KCNQ1OT1: variants seen among roughly 807,000 people sequenced by gnomAD.
The protein encoded by KCNQ1OT1 is KCNQ1 antisense RNA 2 (non-protein coding).
At chr11:2,689,135 C>T in exon 1 of KCNQ1OT1, 1 of 398,730 alleles carries the variant, frequency 2.5e-6, no homozygotes, top group African/African-American at 2.1e-5. Flanking sequence ...AAGCCTGAGA[C>T]CCTAAGGAGA....
In KCNQ1OT1 at chr11:2,657,429, TTAGA is replaced by T. The variant is rs1330926850; in HGVS notation, n.42562_42565del. 3 of 398,446 alleles carry T rather than the reference TTAGA, an allele frequency of 7.5e-6. No homozygotes were observed. Among genetic ancestry groups the T allele is most frequent in the African/African-American group, 4.1e-5 (2 of 48,634 alleles). The allele number at this position is 398,446 out of a possible 1,614,324, so 24.7% of individuals were successfully genotyped here. On this transcript the variant is annotated non_coding_transcript_exon_variant, in exon 1 of 1. Transcript: ENST00000597346. The surrounding 1 kb of genome is among the most constrained non-coding windows in gnomAD (Gnocchi z 4.8). ...CTCCAGAGTTCTTGCATATACTTAG[TTAGA>T]TAATTAATATTCTTTTGTGCTATTG...
exon 1 of KCNQ1OT1, chr11:2,694,278 A>T: frequency 2.5e-6 from 1 of 398,668 alleles, no homozygotes; most frequent in Non-Finnish European, 4.4e-6. Flanking sequence ...CACAGCAGAG[A>T]CACCATCCCA....
Position 2,678,693 on chromosome 11 carries a change from C to A in KCNQ1OT1, n.21302G>T, listed in dbSNP as rs972101493. 5.0e-6 allele frequency: 2 copies of A among 398,498 alleles called. No individual in the cohort carries two copies. The highest frequency in any genetic ancestry group is 4.1e-5 in the African/African-American group (2 of 48,632). The allele number at this position is 398,498 out of a possible 1,614,324, so 24.7% of individuals were successfully genotyped here. A position where few individuals can be genotyped will look rare whatever the true frequency, so the allele number is the denominator to read the frequency against. On this transcript the variant is annotated non_coding_transcript_exon_variant, in exon 1 of 1. Coordinates refer to ENST00000597346, the Ensembl canonical transcript of KCNQ1OT1. The surrounding 1 kb of genome is among the most constrained non-coding windows in gnomAD (Gnocchi z 4.9). ...GGGAATTCATGGCATGGCCTAAGAT[C>A]TAAACACTCTTAAGATTTAAACACA...
chr11:2,698,431 T>C lies in KCNQ1OT1; in HGVS notation n.1564A>G. The C allele has an allele frequency of 2.7e-6, 1 of 375,892 alleles. No homozygotes were observed. The allele number at this position is 375,892 out of a possible 1,614,324, so 23.3% of individuals were successfully genotyped here. A position where few individuals can be genotyped will look rare whatever the true frequency, so the allele number is the denominator to read the frequency against. Reference sequence around the variant, plus strand: ...CATAGTGGTGGCCCTTCAAGCCTACTACCCAGACTGAGACCTGCATCTGAT... The same window carrying C: ...CATAGTGGTGGCCCTTCAAGCCTACCACCCAGACTGAGACCTGCATCTGAT... On this transcript the variant is annotated non_coding_transcript_exon_variant, in exon 1 of 1. Transcript: ENST00000597346. This position sits in a 1 kb window ranked among gnomAD's most constrained non-coding sequence, Gnocchi z 5.1.
Position 2,654,434 on chromosome 11 carries a change from G to A in KCNQ1OT1, n.45561C>T, listed in dbSNP as rs896333474. On this transcript the variant is annotated non_coding_transcript_exon_variant, in exon 1 of 1. Coordinates refer to ENST00000597346, the Ensembl canonical transcript of KCNQ1OT1. The surrounding 1 kb of genome is among the most constrained non-coding windows in gnomAD (Gnocchi z 6.4). ...CTGGGGAGACATGGGTGAGGCAGAA[G>A]GCAAGGTTCCCGTGCTGAGCGCCAG... is the stretch of plus-strand genomic sequence containing the variant. 7.5e-6 allele frequency: 3 copies of A among 398,562 alleles called. No individual in the cohort carries two copies. Among genetic ancestry groups the A allele is most frequent in the African/African-American group, 2.1e-5 (1 of 48,604 alleles). 24.7% of individuals were successfully genotyped at this position (398,562 alleles called of 1,614,324 possible).
At chr11:2,650,823 CTTACTGA>C (rs1269581135) in exon 1 of KCNQ1OT1, 2 of 398,500 alleles carry the variant, frequency 5.0e-6, no homozygotes, top group African/African-American at 4.1e-5. Context: ...TTTATTTGCA[CTTACTGA>C]TTTTATGCTT....
At chr11:2,665,735 C>T (rs1221730935) in exon 1 of KCNQ1OT1, 8 of 398,398 alleles carry the variant, frequency 2.0e-5, no homozygotes, top group African/African-American at 6.2e-5. Flanking sequence ...TCCCCAGAAC[C>T]CCCAAAGCCC....
At chr11:2,625,464 A>C in exon 1 of KCNQ1OT1, 1 of 398,432 alleles carries the variant, frequency 2.5e-6, no homozygotes. Context: ...AGTGTATGTA[A>C]GGTTGTGGTT....
exon 1 of KCNQ1OT1, chr11:2,667,018 G>A (rs1031505199): frequency 1.0e-4 from 41 of 398,560 alleles, no homozygotes; most frequent in African/African-American, 3.3e-4. Flanking sequence ...TAGGATCCCC[G>A]TCAGAGCCCC....
rs1849759483 is a variant in KCNQ1OT1, at chr11:2,651,744, G to C, written n.48251C>G. 7.5e-6 allele frequency: 3 copies of C among 398,492 alleles called. No homozygotes were observed. Among genetic ancestry groups the C allele is most frequent in the Non-Finnish European group, 8.8e-6 (2 of 226,102 alleles). The allele number at this position is 398,492 out of a possible 1,614,324, so 24.7% of individuals were successfully genotyped here. A position where few individuals can be genotyped will look rare whatever the true frequency, so the allele number is the denominator to read the frequency against. The stretch of plus-strand genomic sequence containing the variant: ...ATCCTCATTTCTATACGTTTTCTCT[G>C]ATTACTGGAAATTCCTCAAGTGTTG... On this transcript the variant is annotated non_coding_transcript_exon_variant, in exon 1 of 1. Coordinates refer to ENST00000597346, the Ensembl canonical transcript of KCNQ1OT1. This position sits in a 1 kb window ranked among gnomAD's most constrained non-coding sequence, Gnocchi z 6.1.
exon 1 of KCNQ1OT1, chr11:2,644,719 A>G: frequency 2.5e-6 from 1 of 398,532 alleles, no homozygotes; most frequent in East Asian, 3.6e-5. Context: ...CTTGTTCCTG[A>G]AGATATATCT....
exon 1 of KCNQ1OT1, chr11:2,649,869 T>G (rs1849730894): frequency 2.5e-6 from 1 of 398,438 alleles, no homozygotes; most frequent in South Asian, 1.3e-4. Flanking sequence ...AGGTATTATC[T>G]TCTTAAATAG....
Position 2,652,891 on chromosome 11 carries a change from G to T in KCNQ1OT1, n.47104C>A, listed in dbSNP as rs1849779126. 5.0e-6 allele frequency: 2 copies of T among 398,668 alleles called. No individual in the cohort carries two copies. The highest frequency in any genetic ancestry group is 4.4e-6 in the Non-Finnish European group (1 of 226,114). The allele number at this position is 398,668 out of a possible 1,614,324, so 24.7% of individuals were successfully genotyped here. ...TAAGGAGAAGTGTTTGGGGTGTGGG[G>T]TGTGGTCCTCAGTATCCTAAACTTA... On this transcript the variant is annotated non_coding_transcript_exon_variant, in exon 1 of 1. Transcript: ENST00000597346. This position sits in a 1 kb window ranked among gnomAD's most constrained non-coding sequence, Gnocchi z 5.9.
At chr11:2,610,745 T>A (rs1352795948) in exon 1 of KCNQ1OT1, 7 of 358,902 alleles carry the variant, frequency 2.0e-5, no homozygotes, top group Admixed American at 5.3e-5. Context: ...TTTTTTTTTT[T>A]ACTTTGAGCA....
Position 2,657,071 on chromosome 11 carries a change from A to G in KCNQ1OT1, n.42924T>C, listed in dbSNP as rs1181624577. 2.5e-6 allele frequency: 1 copy of G among 398,478 alleles called. No individual in the cohort carries two copies. The highest frequency in any genetic ancestry group is 2.1e-5 in the African/African-American group (1 of 48,622). The allele number at this position is 398,478 out of a possible 1,614,324, so 24.7% of individuals were successfully genotyped here. A position where few individuals can be genotyped will look rare whatever the true frequency, so the allele number is the denominator to read the frequency against. ...GTTTCCCAATGCTCAATCCTGTCCC[A>G]TTGGCCTATTTGTCTCTCCCTGTGT... is the stretch of plus-strand genomic sequence containing the variant. On this transcript the variant is annotated non_coding_transcript_exon_variant, in exon 1 of 1. Transcript: ENST00000597346. The surrounding 1 kb of genome is among the most constrained non-coding windows in gnomAD (Gnocchi z 4.8).
exon 1 of KCNQ1OT1, chr11:2,634,884 A>C (rs1308206204): frequency 1.3e-5 from 2 of 152,214 alleles, no homozygotes; most frequent in East Asian, 3.8e-4. Flanking sequence ...AACTGGTGTG[A>C]GATGGTATCT....
chr11:2,639,115 C>T (rs1416581481), exon 1 of KCNQ1OT1: 1 of 152,194 alleles, frequency 6.6e-6, no homozygotes, highest in African/African-American at 2.4e-5. Context: ...AGCCATTCGT[C>T]TAATCTTTTT....
chr11:2,628,509 G>C (rs1849297014), exon 1 of KCNQ1OT1: 1 of 398,334 alleles, frequency 2.5e-6, no homozygotes, highest in South Asian at 1.3e-4. Flanking sequence ...TTTTTTGCTA[G>C]TTATATGAGT....
In KCNQ1OT1 at chr11:2,613,409, C is replaced by T; in HGVS notation, n.86586G>A. 2.5e-6 allele frequency: 1 copy of T among 398,478 alleles called. No individual in the cohort carries two copies. The highest frequency in any genetic ancestry group is 2.1e-5 in the African/African-American group (1 of 48,704). 24.7% of individuals were successfully genotyped at this position (398,478 alleles called of 1,614,324 possible). ...CCTCCAATTATTTGCCACTGAAATC[C>T]TTGTTGCTTAACATAGTGCATAGGG... On this transcript the variant is annotated non_coding_transcript_exon_variant, in exon 1 of 1. Coordinates refer to ENST00000597346, the Ensembl canonical transcript of KCNQ1OT1. This position sits in a 1 kb window ranked among gnomAD's most constrained non-coding sequence, Gnocchi z 4.8.
Sources: allele counts gnomAD v4.1 joint callset, GRCh38; gene constraint gnomAD v4.1.1; non-coding constraint Gnocchi (gnomAD v3.1); transcripts MANE v1.5; gene names NCBI Gene and HGNC (gene_info 2026-07-23, HGNC 2026-07-21).